AGTPBP1: variants seen among roughly 807,000 people sequenced by gnomAD.
AGTPBP1 encodes cytosolic carboxypeptidase 1.
A neutral mutation model predicts 143.9 loss-of-function variants in AGTPBP1; 70 were observed. The ratio of observed to expected loss-of-function variants is 0.49; its 90% CI spans 0.40 to 0.59. The LOEUF (loss-of-function observed/expected upper bound fraction) is 0.59, where lower values mean the gene tolerates loss of function less well. AGTPBP1 is among the 20% of genes least tolerant of loss of function. The probability of loss-of-function intolerance (pLI) is 0.00; values close to 1 mark genes in which losing one functional copy is unlikely to be tolerated. For synonymous variants in AGTPBP1, 463 were observed against 500.2 expected, an observed-to-expected ratio of 0.93 and a Z score of 0.99; for missense variants, 1,229 against 1,464.5, an observed-to-expected ratio of 0.84 and a Z score of 2.62.
chr9:85,604,371 G>A (rs777664052), intron 17 of AGTPBP1, among the ~76,000 whole-genome samples: 1 of 152,186 alleles, frequency 6.6e-6, no homozygotes, highest in Non-Finnish European at 1.5e-5. Flanking sequence ...CCACAAAGGT[G>A]GTATCTCTAC....
intron 21 of AGTPBP1, among the ~76,000 whole-genome samples, chr9:85,587,684 C>T (rs1422996281): frequency 1.3e-5 from 2 of 152,162 alleles, no homozygotes; most frequent in Non-Finnish European, 2.9e-5. Context: ...TTATCCTCAT[C>T]TTTGGAGATA....
chr9:85,677,549 T>C lies in AGTPBP1; in HGVS notation c.323A>G (p.Lys108Arg). 6.3e-7 allele frequency: 1 copy of C among 1,583,628 alleles called. No individual in the cohort carries two copies. The highest frequency in any genetic ancestry group is 8.6e-7 in the Non-Finnish European group (1 of 1,167,932). Residue 108 changes from lysine (K) to arginine (R), a missense_variant, in exon 6 of 26, where the codon AAA becomes AGA. By Grantham distance (26) the Lys-to-Arg change is conservative. This residue lies in a region of AGTPBP1 where 743 missense variants were observed against 812.2 expected (regional missense o/e 0.91). Transcript: ENST00000357081. Reference sequence around the variant, plus strand: ...CTGCAACAATATTTGTGAACCACCTTTGGTGACTAAGAAACTCACTCTTCG... The same window carrying C: ...CTGCAACAATATTTGTGAACCACCTCTGGTGACTAAGAAACTCACTCTTCG... ...GGRRVSFLVT[K>R]GGSQILLQLL...
chr9:85,782,294 C>G, the AGTPBP1 span, among the ~76,000 whole-genome samples: 3 of 152,184 alleles, frequency 2.0e-5, no homozygotes, highest in East Asian at 5.8e-4. Context: ...GCGGGTGGAT[C>G]ACCGGAGGGT....
intron 2 of AGTPBP1, among the ~76,000 whole-genome samples, chr9:85,702,568 T>G (rs1165900195): frequency 6.6e-6 from 1 of 152,132 alleles, no homozygotes; most frequent in African/African-American, 2.4e-5. Flanking sequence ...TCATCAGTTT[T>G]TTTTTTTTAA....
At chr9:85,710,556 T>C (rs900469227) in intron 2 of AGTPBP1, among the ~76,000 whole-genome samples, 2 of 152,136 alleles carry the variant, frequency 1.3e-5, no homozygotes, top group Non-Finnish European at 2.9e-5. Flanking sequence ...CCCTTTTCTA[T>C]CTATCTCAAT....
chr9:85,781,066 G>A, the AGTPBP1 span: 66 of 1,173,084 alleles, frequency 5.6e-5, no homozygotes, highest in Non-Finnish European at 6.1e-5. Context: ...ACAGTGAGCC[G>A]AGCATATCAC....
intron 11 of AGTPBP1, among the ~76,000 whole-genome samples, chr9:85,651,994 T>C (rs1833191547): frequency 6.6e-6 from 1 of 152,192 alleles, no homozygotes; most frequent in African/African-American, 2.4e-5. Flanking sequence ...GAGCATCTTT[T>C]GTTCTAATGA....
the AGTPBP1 span, among the ~76,000 whole-genome samples, chr9:85,769,958 T>G: frequency 1.8e-4 from 27 of 152,258 alleles, no homozygotes; most frequent in African/African-American, 6.5e-4. Context: ...TGATCAGCAT[T>G]TGTTGTATAA....
chr9:85,560,604 T>C (rs1826644812), intron 25 of AGTPBP1, among the ~76,000 whole-genome samples: 1 of 152,170 alleles, frequency 6.6e-6, no homozygotes, highest in South Asian at 2.1e-4. Flanking sequence ...AAAAATCCCC[T>C]AAGGAGTCTT....
intron 17 of AGTPBP1, among the ~76,000 whole-genome samples, chr9:85,599,659 GTT>G (rs1199272913): frequency 1.3e-5 from 2 of 152,036 alleles, no homozygotes; most frequent in Non-Finnish European, 2.9e-5. Context: ...TACTCATTTT[GTT>G]CAGAAAGAGA....
At chr9:85,729,232 G>A (rs767160407) in intron 1 of AGTPBP1, among the ~76,000 whole-genome samples, 5 of 152,112 alleles carry the variant, frequency 3.3e-5, no homozygotes, top group African/African-American at 4.8e-5. Flanking sequence ...ACTCACAACA[G>A]TCAGAAGATG....
chr9:85,577,094 A>T (rs1827943597), intron 24 of AGTPBP1, among the ~76,000 whole-genome samples: 1 of 152,194 alleles, frequency 6.6e-6, no homozygotes, highest in Non-Finnish European at 1.5e-5. Flanking sequence ...GACCAAATTT[A>T]TCAAAATAGA....
chr9:85,701,477 G>A (rs113693121), intron 2 of AGTPBP1, among the ~76,000 whole-genome samples: 31 of 150,678 alleles, frequency 2.1e-4, no homozygotes, highest in African/African-American at 7.1e-4. Context: ...TAATCCACCC[G>A]CCTCAGTCTC....
Position 85,632,710 on chromosome 9 carries a change from G to T in AGTPBP1, c.1967C>A (p.Pro656Gln). 2 of 1,613,800 alleles carry T rather than the reference G, an allele frequency of 1.2e-6. No homozygotes were observed. The highest frequency in any genetic ancestry group is 1.7e-6 in the Non-Finnish European group (2 of 1,179,840). ...VAYPDYFGHI[P>Q]PPFKEPILER... is the part of the protein sequence containing the mutation. Reference sequence around the variant, plus strand: ...TAAAATAGGCTCTTTGAATGGAGGCGGAATGTGACCAAAATAATCGGGATA... The same window carrying T: ...TAAAATAGGCTCTTTGAATGGAGGCTGAATGTGACCAAAATAATCGGGATA... Residue 656 changes from proline (P) to glutamine (Q), a missense_variant, in exon 14 of 26, where the codon CCG becomes CAG. Coordinates refer to ENST00000357081, the MANE Select transcript of AGTPBP1 (RefSeq NM_001330701.2).
At chr9:85,661,895 A>C (rs966703829) in intron 8 of AGTPBP1, among the ~76,000 whole-genome samples, 5 of 152,172 alleles carry the variant, frequency 3.3e-5, no homozygotes, top group Non-Finnish European at 7.4e-5. Context: ...TTCACTCACC[A>C]TTAAGCATTT....
chr9:85,741,945 G>A lies in AGTPBP1; in HGVS notation c.-204C>T, dbSNP rs1230475165. On this transcript the variant is annotated 5_prime_UTR_variant, in exon 1 of 26. Transcript: ENST00000357081. ...CAGCTGCGGCGGCGGCGCTGGAGGC[G>A]GCGGAACCTGTCCGCATCCCGGGCA... 7 of 1,291,788 alleles carry A rather than the reference G, an allele frequency of 5.4e-6. No individual in the cohort carries two copies. The South Asian group carries it at 1.2e-4, about 22-fold the overall frequency. The allele number at this position is 1,291,788 out of a possible 1,614,324, so 80.0% of individuals were successfully genotyped here. A position where few individuals can be genotyped will look rare whatever the true frequency, so the allele number is the denominator to read the frequency against.
chr9:85,781,327 G>C, the AGTPBP1 span: 73 of 1,566,060 alleles, frequency 4.7e-5, no homozygotes, highest in Non-Finnish European at 6.2e-5. Context: ...TAAGGAACTG[G>C]TAGGGGAAGC....
At chr9:85,787,752 C>T in the AGTPBP1 span, 1 of 152,096 alleles carries the variant, frequency 6.6e-6, no homozygotes, top group Non-Finnish European at 1.5e-5. Flanking sequence ...ACTTGTAAAC[C>T]GAAGTTGAGT....
At chr9:85,547,783 T>C (rs919634594) in intron 25 of AGTPBP1, among the ~76,000 whole-genome samples, 10 of 152,176 alleles carry the variant, frequency 6.6e-5, no homozygotes, top group African/African-American at 2.4e-4. Flanking sequence ...ACCCCACCAG[T>C]TTCCGTAGGT....
Sources: allele counts gnomAD v4.1 joint callset (sites outside exome capture counted in the v4.1 genomes callset), GRCh38; gene constraint gnomAD v4.1.1; regional missense constraint gnomAD v4.1.1; transcripts MANE v1.5; gene names NCBI Gene and HGNC (gene_info 2026-07-23, HGNC 2026-07-21).